Variants in PRIMA1 observed in about 807,000 individuals in gnomAD.
PRIMA1 encodes proline-rich membrane anchor 1.
In PRIMA1, 7 loss-of-function variants were observed where a neutral mutation model predicts 17.5. The ratio of observed to expected loss-of-function variants is 0.40; its 90% CI spans 0.23 to 0.75. The LOEUF (loss-of-function observed/expected upper bound fraction) is 0.75. PRIMA1 is among the 30% of genes least tolerant of loss of function. The pLI is 0.37. For missense variants in PRIMA1, 200 were observed against 201.8 expected (o/e 0.99, Z 0.05); for synonymous variants, 97 against 77.9 (o/e 1.25, Z -1.29).
chr14:93,733,481 C>T (rs919090148), intron 4 of PRIMA1, among the ~76,000 whole-genome samples: 6 of 152,116 alleles, frequency 3.9e-5, no homozygotes, highest in Non-Finnish European at 8.8e-5. Flanking sequence ...CGGTGCCGCC[C>T]GTCCCTGCCG....
chr14:93,779,406 TG>T, intron 2 of PRIMA1, 95 bp from the exon 3 acceptor site: 1 of 1,066,656 alleles, frequency 9.4e-7, no homozygotes, highest in Non-Finnish European at 1.3e-6. Context: ...CCTGCCAGGC[TG>T]GGACTTGGGA....
At chr14:93,750,075 G>C (rs1353369629) in intron 3 of PRIMA1, among the ~76,000 whole-genome samples, 1 of 152,136 alleles carries the variant, frequency 6.6e-6, no homozygotes, top group African/African-American at 2.4e-5. Context: ...CCTGCTACTT[G>C]GGAGGCTGAG....
chr14:93,768,716 A>T (rs991429471), intron 3 of PRIMA1, among the ~76,000 whole-genome samples: 5 of 152,214 alleles, frequency 3.3e-5, no homozygotes, highest in Admixed American at 6.5e-5. Context: ...TATTTGCTGG[A>T]CACAAATAAA....
intron 4 of PRIMA1, among the ~76,000 whole-genome samples, chr14:93,722,939 C>T (rs1273518645): frequency 1.3e-5 from 2 of 152,008 alleles, no homozygotes; most frequent in Non-Finnish European, 2.9e-5. Context: ...GGCCCCTAAC[C>T]CCAAAAGTGG....
intron 3 of PRIMA1, among the ~76,000 whole-genome samples, chr14:93,765,407 T>G (rs539795546): frequency 1.1e-3 from 163 of 149,940 alleles, no homozygotes; most frequent in Non-Finnish European, 2.0e-3. Context: ...TAGGTTAGAC[T>G]GGTTGCTTTG....
At chr14:93,788,760 C>T (rs1885608462), upstream of PRIMA1, among the ~76,000 whole-genome samples, 1 of 151,952 alleles carries the variant, frequency 6.6e-6, no homozygotes, top group Non-Finnish European at 1.5e-5. Flanking sequence ...GGCGGCACCC[C>T]GCTCCCAGGG....
At chr14:93,728,946 C>A (rs1210962306) in intron 4 of PRIMA1, among the ~76,000 whole-genome samples, 1 of 152,180 alleles carries the variant, frequency 6.6e-6, no homozygotes, top group African/African-American at 2.4e-5. Flanking sequence ...TCCAAAGAAG[C>A]ATTCCAGCCC....
intron 3 of PRIMA1, among the ~76,000 whole-genome samples, chr14:93,750,669 GT>G (rs540847291): frequency 6.6e-6 from 1 of 152,130 alleles, no homozygotes; most frequent in South Asian, 2.1e-4. Flanking sequence ...TTTACAGAAA[GT>G]TTTTTTACCC....
At chr14:93,750,978 C>A (rs2076255799) in intron 3 of PRIMA1, among the ~76,000 whole-genome samples, 1 of 152,130 alleles carries the variant, frequency 6.6e-6, no homozygotes, top group Non-Finnish European at 1.5e-5. Context: ...CACACCATAC[C>A]CACTAAGAAA....
intron 3 of PRIMA1, among the ~76,000 whole-genome samples, chr14:93,766,831 C>T (rs1439465684): frequency 6.6e-6 from 1 of 152,126 alleles, no homozygotes; most frequent in Non-Finnish European, 1.5e-5. Context: ...TGTGCATGGC[C>T]AAGTCAAGTT....
At chr14:93,772,194 A>G (rs1885090449) in intron 3 of PRIMA1, among the ~76,000 whole-genome samples, 1 of 152,174 alleles carries the variant, frequency 6.6e-6, no homozygotes, top group Non-Finnish European at 1.5e-5. Context: ...CTCTGTTGAA[A>G]CTTGGCCTTT....
intron 3 of PRIMA1, among the ~76,000 whole-genome samples, chr14:93,774,174 A>G (rs961459979): frequency 6.6e-6 from 1 of 152,144 alleles, no homozygotes; most frequent in Non-Finnish European, 1.5e-5. Context: ...AATTTGAAAA[A>G]CCACTCTTGC....
At chr14:93,738,594 G>A (rs1016096235) in intron 3 of PRIMA1, among the ~76,000 whole-genome samples, 2 of 152,198 alleles carry the variant, frequency 1.3e-5, no homozygotes, top group African/African-American at 4.8e-5. Context: ...TTTGAGGGGT[G>A]CAACAGTAAG....
chr14:93,782,356 C>A (rs953132375), intron 2 of PRIMA1, among the ~76,000 whole-genome samples: 1 of 152,176 alleles, frequency 6.6e-6, no homozygotes, highest in Admixed American at 6.5e-5. Context: ...CGGAGGCTGA[C>A]GCCGGTAATC....
rs138247000 is a variant in PRIMA1 at position 93,721,668 on chromosome 14, G to A, written c.360-122C>T. On this transcript the variant is annotated intron_variant, in intron 4 of 4. Transcript: ENST00000393140. ...CCCTGCTCCGTGAGAGTGTCAGAAG[G>A]AAGCCAATGGCTCTGTCCTCGGTTA... is the stretch of plus-strand genomic sequence containing the variant. The A allele has an allele frequency of 6.4e-4, 421 of 659,986 alleles. 1 individual carries two copies. The African/African-American group carries it at 6.4e-3, about 10-fold the overall frequency. The allele number at this position is 659,986 out of a possible 1,614,324, so 40.9% of individuals were successfully genotyped here. A position where few individuals can be genotyped will look rare whatever the true frequency, so the allele number is the denominator to read the frequency against.
At chr14:93,721,648 C>A in intron 4 of PRIMA1, 102 bp from the exon 5 acceptor site, 1 of 713,550 alleles carries the variant, frequency 1.4e-6, no homozygotes, top group Admixed American at 2.1e-5. Flanking sequence ...AGCATCCCTG[C>A]TCCGTGAGAG....
At chr14:93,784,631 C>T (rs1197619168) in intron 2 of PRIMA1, among the ~76,000 whole-genome samples, 1 of 152,310 alleles carries the variant, frequency 6.6e-6, no homozygotes, top group East Asian at 1.9e-4. Context: ...TCCCCTGGGT[C>T]TTCCAAAGTC....
At chr14:93,769,922 C>CT (rs1885007755) in intron 3 of PRIMA1, among the ~76,000 whole-genome samples, 1 of 152,182 alleles carries the variant, frequency 6.6e-6, no homozygotes, top group African/African-American at 2.4e-5. Context: ...CCACCTGAGT[C>CT]TGCTTCATCA....
At chr14:93,764,282 C>T (rs1381728285) in intron 3 of PRIMA1, among the ~76,000 whole-genome samples, 1 of 138,880 alleles carries the variant, frequency 7.2e-6, no homozygotes, top group East Asian at 2.6e-4. Flanking sequence ...TTCTTCCCCT[C>T]CCCCACCCCC....
Sources: gnomAD v4.1 joint callset for allele counts (sites outside exome capture counted in the v4.1 genomes callset) on GRCh38, gnomAD v4.1.1 for gene constraint, MANE v1.5 for transcripts, NCBI Gene and HGNC (gene_info 2026-07-23, HGNC 2026-07-21) for gene names.